PDE4B: variants seen among roughly 807,000 people sequenced by gnomAD.
PDE4B encodes 3',5'-cyclic-AMP phosphodiesterase 4B.
Under a neutral mutation model 82.2 loss-of-function variants are expected in PDE4B, and 20 were observed. The observed-to-expected ratio is 0.24, with a 90% CI of 0.17 to 0.35. PDE4B has a LOEUF of 0.35. PDE4B is among the 10% of genes least tolerant of loss of function. The pLI is 1.00. For missense variants in PDE4B, 655 were observed against 907.2 expected (o/e 0.72, Z 3.57); for synonymous variants, 320 against 318.9 (o/e 1.00, Z -0.04).
intron 3 of PDE4B, among the ~76,000 whole-genome samples, chr1:66,165,916 C>T (rs1328687170): frequency 1.4e-5 from 2 of 147,994 alleles, no homozygotes; most frequent in African/African-American, 2.5e-5. Context: ...TATGGAAATG[C>T]AAGGGACCTA....
At chr1:65,944,018 C>A (rs1648576272) in intron 3 of PDE4B, among the ~76,000 whole-genome samples, 1 of 151,872 alleles carries the variant, frequency 6.6e-6, no homozygotes. Flanking sequence ...GGATGTCCAG[C>A]AGCATGTTGA....
chr1:66,013,843 A>G (rs113737367), intron 3 of PDE4B, among the ~76,000 whole-genome samples: 4,573 of 152,128 alleles, frequency 0.03, 234 homozygotes, highest in African/African-American at 0.1. Flanking sequence ...GTCATATGAT[A>G]ATTCTATTTT....
intron 1 of PDE4B, among the ~76,000 whole-genome samples, chr1:65,821,554 C>A (rs1645953077): frequency 6.6e-6 from 1 of 152,150 alleles, no homozygotes; most frequent in South Asian, 2.1e-4. Flanking sequence ...CTAAAAAAAA[C>A]CTGCTTTATC....
At chr1:65,957,865 A>G (rs1429507235) in intron 3 of PDE4B, among the ~76,000 whole-genome samples, 1 of 152,138 alleles carries the variant, frequency 6.6e-6, no homozygotes, top group African/African-American at 2.4e-5. Context: ...TTTTGACATT[A>G]CAACCAGCTG....
chr1:65,831,410 T>A (rs1334578363), intron 1 of PDE4B, among the ~76,000 whole-genome samples: 4 of 152,148 alleles, frequency 2.6e-5, no homozygotes, highest in African/African-American at 9.7e-5. Context: ...TAACCAATTG[T>A]ATGCCCATAA....
upstream of PDE4B, among the ~76,000 whole-genome samples, chr1:65,792,881 G>A (rs1293414291): frequency 6.6e-6 from 1 of 152,050 alleles, no homozygotes; most frequent in East Asian, 1.9e-4. Flanking sequence ...TAGGGAGAGG[G>A]GGTTTAAAGG....
chr1:65,827,103 G>A (rs1399659896), intron 1 of PDE4B, among the ~76,000 whole-genome samples: 3 of 152,048 alleles, frequency 2.0e-5, no homozygotes, highest in African/African-American at 7.2e-5. Context: ...ATCAAAAACA[G>A]CCCAACACCT....
intron 15 of PDE4B, among the ~76,000 whole-genome samples, chr1:66,368,552 A>G (rs544525870): frequency 3.7e-4 from 57 of 152,354 alleles, no homozygotes; most frequent in African/African-American, 9.1e-4. Context: ...TTTAAATTCA[A>G]TGACTGTCGG....
At chr1:66,034,817 C>T (rs150301471) in intron 3 of PDE4B, among the ~76,000 whole-genome samples, 3 of 152,176 alleles carry the variant, frequency 2.0e-5, no homozygotes, top group African/African-American at 7.2e-5. Flanking sequence ...TTTTTCCTCT[C>T]TGGTCATAAA....
chr1:66,363,418 C>A lies in PDE4B; in HGVS notation c.1131C>A (p.Leu377=), dbSNP rs552715871. The A allele has an allele frequency of 6.2e-7, 1 of 1,612,674 alleles. No homozygotes were observed. Among genetic ancestry groups the A allele is most frequent in the Non-Finnish European group, 8.5e-7 (1 of 1,179,008 alleles). The change falls in exon 12 of 17, where the codon CTC becomes CTA. Residue 377 remains leucine, a synonymous_variant. Coordinates refer to ENST00000341517, the MANE Select transcript of PDE4B (RefSeq NM_002600.4). The part of the protein sequence containing the change: ...IMYAIFQERD[L]LKTFRISSDT... ...ATTTTACAACACAGGAAAGAGACCT[C>A]CTAAAGACATTCAGAATCTCATCTG...
intron 3 of PDE4B, among the ~76,000 whole-genome samples, chr1:66,030,115 G>C (rs944288674): frequency 2.7e-5 from 4 of 150,706 alleles, no homozygotes; most frequent in African/African-American, 9.8e-5. Flanking sequence ...TGACCATATG[G>C]TTTTTGGTTT....
intron 3 of PDE4B, among the ~76,000 whole-genome samples, chr1:66,183,099 T>G (rs567537260): frequency 6.6e-6 from 1 of 152,266 alleles, no homozygotes; most frequent in African/African-American, 2.4e-5. Flanking sequence ...AAGACTGCTC[T>G]CACCACCCAG....
chr1:65,903,309 T>C (rs1646991906), intron 1 of PDE4B, among the ~76,000 whole-genome samples: 1 of 152,140 alleles, frequency 6.6e-6, no homozygotes, highest in African/African-American at 2.4e-5. Context: ...CTTGTCAAAT[T>C]TCATGGATGA....
intron 6 of PDE4B, among the ~76,000 whole-genome samples, chr1:66,264,184 G>T (rs943699740): frequency 6.6e-6 from 1 of 152,326 alleles, no homozygotes; most frequent in East Asian, 1.9e-4. Context: ...GGTCTGAGAT[G>T]AAATGTCAGG....
intron 3 of PDE4B, among the ~76,000 whole-genome samples, chr1:66,216,332 G>A (rs1168505745): frequency 6.6e-6 from 1 of 151,768 alleles, no homozygotes; most frequent in Non-Finnish European, 1.5e-5. Context: ...CTGTTTCTCT[G>A]TAGAACTCCT....
rs113768102 is a variant in PDE4B, at chr1:65,812,268, T to C, written c.-71+19020T>C. On this transcript the variant is annotated intron_variant, in intron 1 of 16. Coordinates refer to ENST00000341517, the MANE Select transcript of PDE4B (RefSeq NM_002600.4). ...TGTTCTTGGCTTTCAGTTTCTGCTC[T>C]GAGAGTTCCTTTTCTAAATTTCTGG... Among the ~76,000 whole-genome samples, 1,050 of 152,326 alleles carry C rather than the reference T, an allele frequency of 6.9e-3. 17 individuals are homozygous for C. The highest frequency in any genetic ancestry group is 0.024 in the African/African-American group (998 of 41,568).
At chr1:66,126,917 G>T (rs1645835499) in intron 3 of PDE4B, among the ~76,000 whole-genome samples, 1 of 152,194 alleles carries the variant, frequency 6.6e-6, no homozygotes, top group Non-Finnish European at 1.5e-5. Context: ...TATACTTCAA[G>T]CGTGCATCAC....
intron 3 of PDE4B, among the ~76,000 whole-genome samples, chr1:65,979,133 C>G (rs1015372562): frequency 6.6e-6 from 1 of 152,150 alleles, no homozygotes; most frequent in East Asian, 1.9e-4. Context: ...TTGGAACCCT[C>G]ACTCCAGAAA....
intron 3 of PDE4B, among the ~76,000 whole-genome samples, chr1:66,080,002 C>T (rs976904043): frequency 1.3e-5 from 2 of 152,122 alleles, no homozygotes; most frequent in Non-Finnish European, 2.9e-5. Flanking sequence ...GCAATTATTT[C>T]ATCCCAACAA....
Sources: allele counts gnomAD v4.1 joint callset (sites outside exome capture counted in the v4.1 genomes callset), GRCh38; gene constraint gnomAD v4.1.1; transcripts MANE v1.5; gene names NCBI Gene and HGNC (gene_info 2026-07-23, HGNC 2026-07-21).